The following PIK3C2G variants were observed in gnomAD, a reference collection of about 807,000 sequenced individuals.
PIK3C2G encodes the protein phosphatidylinositol-4-phosphate 3-kinase catalytic subunit type 2 gamma, also known as phosphatidylinositol 3-kinase C2 domain-containing subunit gamma.
PIK3C2G carries 168 observed loss-of-function variants against 181.1 expected under a neutral mutation model. The observed-to-expected ratio is 0.93, with a 90% confidence interval of 0.82 to 1.05. PIK3C2G has a LOEUF of 1.05. Ranked by LOEUF, PIK3C2G falls within the 50% of genes least tolerant of loss-of-function variation. The pLI, the probability that PIK3C2G is intolerant of heterozygous loss-of-function variation, is 0.00. For synonymous variants in PIK3C2G, 573 were observed against 592.2 expected (o/e 0.97, Z 0.47); for missense variants, 1,869 against 1,732.8 (o/e 1.08, Z -1.40).
intron 11 of PIK3C2G, among the ~76,000 whole-genome samples, chr12:18,355,234 G>A (rs1940613946): frequency 2.0e-5 from 3 of 152,250 alleles, no homozygotes; most frequent in Admixed American, 6.5e-5. Context: ...GTATTTCAGG[G>A]TCCTTTTAAA....
At chr12:18,266,756 T>C (rs893297230) in intron 1 of PIK3C2G, among the ~76,000 whole-genome samples, 3 of 152,084 alleles carry the variant, frequency 2.0e-5, no homozygotes, top group African/African-American at 7.2e-5. Flanking sequence ...ACAAGTAAAC[T>C]GTATGTCCAG....
At chr12:18,672,177 A>T in the PIK3C2G span, among the ~76,000 whole-genome samples, 11 of 152,170 alleles carry the variant, frequency 7.2e-5, no homozygotes, top group Non-Finnish European at 1.6e-4. Context: ...ATAGTTTCTG[A>T]CATTTCTCAG....
rs561202969 is a variant in PIK3C2G, at chr12:18,456,214, C to T, written c.2504+32175C>T. Reference sequence around the variant, plus strand: ...AATGTCCAAGGTCATGAAGCAACATCGTTTGTCTGGGGTAAATACCTGAGG... The same window carrying T: ...AATGTCCAAGGTCATGAAGCAACATTGTTTGTCTGGGGTAAATACCTGAGG... On this transcript the variant is annotated intron_variant, in intron 18 of 32. Transcript: ENST00000538779. 4.6e-5 allele frequency among the ~76,000 whole-genome samples: 7 copies of T among 152,190 alleles called. No homozygotes were observed. In the South Asian group the frequency reaches 1.5e-3, roughly 32 times the overall value.
chr12:18,505,201 T>C, intron 23 of PIK3C2G, 91 bp from the exon 24 acceptor site: 1 of 1,118,394 alleles, frequency 8.9e-7, no homozygotes, highest in Non-Finnish European at 1.3e-6. Context: ...GTAATTTTGC[T>C]TATCATTTAC....
intron 17 of PIK3C2G, among the ~76,000 whole-genome samples, chr12:18,423,068 T>C (rs1307074768): frequency 2.0e-5 from 3 of 151,908 alleles, no homozygotes; most frequent in African/African-American, 7.2e-5. Flanking sequence ...GACTGGATAT[T>C]GTACTCATTT....
intron 18 of PIK3C2G, among the ~76,000 whole-genome samples, chr12:18,451,155 A>G (rs1947328237): frequency 6.6e-6 from 1 of 152,156 alleles, no homozygotes; most frequent in Non-Finnish European, 1.5e-5. Flanking sequence ...GAATCTACAA[A>G]TTACTTTGTG....
chr12:18,342,156 T>G (rs1939201710), intron 9 of PIK3C2G, among the ~76,000 whole-genome samples: 1 of 152,096 alleles, frequency 6.6e-6, no homozygotes, highest in African/African-American at 2.4e-5. Flanking sequence ...AAATTGAATT[T>G]TAGTTAAATC....
chr12:18,249,668 A>C (rs909987260), intron 1 of PIK3C2G, among the ~76,000 whole-genome samples: 2 of 152,116 alleles, frequency 1.3e-5, no homozygotes, highest in Admixed American at 6.5e-5. Context: ...ATTTAGCCAA[A>C]CAGTTGTATG....
chr12:18,463,365 C>A (rs1466889944), intron 18 of PIK3C2G, among the ~76,000 whole-genome samples: 1 of 152,136 alleles, frequency 6.6e-6, no homozygotes, highest in African/African-American at 2.4e-5. Flanking sequence ...AGTAGCTCAG[C>A]AGCTGAGTAA....
At chr12:18,500,158 G>A (rs1941317305) in intron 22 of PIK3C2G, among the ~76,000 whole-genome samples, 1 of 152,192 alleles carries the variant, frequency 6.6e-6, no homozygotes, top group Non-Finnish European at 1.5e-5. Flanking sequence ...GAGAGGCGCG[G>A]CCGGGAACCG....
At chr12:18,613,957 G>C (rs1031055879) in intron 31 of PIK3C2G, among the ~76,000 whole-genome samples, 31 of 152,208 alleles carry the variant, frequency 2.0e-4, no homozygotes, top group African/African-American at 7.5e-4. Flanking sequence ...GGCAATGTTT[G>C]ACATATAAAA....
intron 22 of PIK3C2G, among the ~76,000 whole-genome samples, chr12:18,500,250 G>C (rs901848903): frequency 6.6e-5 from 10 of 151,900 alleles, no homozygotes; most frequent in African/African-American, 2.4e-4. Flanking sequence ...GCGGCCGGCC[G>C]GCCCTGCCGG....
At chr12:18,666,757 G>A in the PIK3C2G span, among the ~76,000 whole-genome samples, 1 of 152,126 alleles carries the variant, frequency 6.6e-6, no homozygotes, top group Non-Finnish European at 1.5e-5. Flanking sequence ...CAGAATACAA[G>A]TTCTTCACAA....
At chr12:18,582,419 C>T (rs1054924134) in intron 29 of PIK3C2G, among the ~76,000 whole-genome samples, 3 of 152,086 alleles carry the variant, frequency 2.0e-5, no homozygotes, top group Admixed American at 6.5e-5. Context: ...TCCACCAGGG[C>T]CTTCAGTCTG....
intron 31 of PIK3C2G, 39 bp downstream of exon 31, chr12:18,609,668 C>A: frequency 2.4e-6 from 3 of 1,270,108 alleles, no homozygotes; most frequent in African/African-American, 1.5e-5. Flanking sequence ...TGTAAGCCTA[C>A]ATCCAGAAAT....
chr12:18,697,734 A>G, the PIK3C2G span, among the ~76,000 whole-genome samples: 1 of 151,928 alleles, frequency 6.6e-6, no homozygotes, highest in African/African-American at 2.4e-5. Flanking sequence ...CCTTTCACAA[A>G]CCGTTATCTT....
intron 5 of PIK3C2G, among the ~76,000 whole-genome samples, chr12:18,308,502 A>AAG (rs386375774): frequency 1.3e-3 from 35 of 27,562 alleles, no homozygotes; most frequent in South Asian, 5.5e-3. Flanking sequence ...AAAATATAGT[A>AAG]AAAAAAAAAG....
chr12:18,705,123 T>C, the PIK3C2G span: 4 of 1,605,070 alleles, frequency 2.5e-6, no homozygotes, highest in Admixed American at 1.7e-5. Context: ...CATGTTTTCA[T>C]GGACTTTTTT....
chr12:18,255,216 A>AAAAT (rs59041304), intron 1 of PIK3C2G, among the ~76,000 whole-genome samples: 9,905 of 131,752 alleles, frequency 0.075, 421 homozygotes, highest in South Asian at 0.14. Flanking sequence ...CTCCGTCTCA[A>AAAAT]AAATAAATAA....
Sources: gnomAD v4.1 joint callset for allele counts (sites outside exome capture counted in the v4.1 genomes callset) on GRCh38, gnomAD v4.1.1 for gene constraint, MANE v1.5 for transcripts, NCBI Gene and HGNC (gene_info 2026-07-23, HGNC 2026-07-21) for gene names.